Variants in MAGI2 observed in about 807,000 individuals in gnomAD.
The protein encoded by MAGI2 is membrane-associated guanylate kinase, WW and PDZ domain-containing protein 2.
Under a neutral mutation model 133.3 loss-of-function variants are expected in MAGI2, and 35 were observed. The observed-to-expected ratio is 0.26, with a 90% CI of 0.20 to 0.35. The LOEUF is 0.35. Among genes scored for constraint, MAGI2 ranks in the 10% least tolerant of loss-of-function variants. The pLI, the probability that MAGI2 is intolerant of heterozygous loss-of-function variation, is 1.00. For missense variants in MAGI2, 1,636 were observed against 1,863.4 expected, an observed-to-expected ratio of 0.88 and a Z score of 2.25; for synonymous variants, 729 against 710.6, an observed-to-expected ratio of 1.03 and a Z score of -0.41.
intron 1 of MAGI2, among the ~76,000 whole-genome samples, chr7:79,286,027 A>G: frequency 6.6e-6 from 1 of 152,200 alleles, no homozygotes; most frequent in East Asian, 1.9e-4. Context: ...AATTAAGCAG[A>G]AACTATAAGG....
chr7:78,686,787 T>A (rs1317384906), intron 2 of MAGI2, among the ~76,000 whole-genome samples: 1 of 152,240 alleles, frequency 6.6e-6, no homozygotes, highest in African/African-American at 2.4e-5. Flanking sequence ...TTATTCTGTG[T>A]AAGTCTAGAA....
In MAGI2 at chr7:79,073,375, G is replaced by A. The variant is rs542259619; in HGVS notation, c.302-66169C>T. Among the ~76,000 whole-genome samples the A allele has an allele frequency of 4.6e-5, 7 of 152,210 alleles. No individual in the cohort carries two copies. In the South Asian group the frequency reaches 8.3e-4, roughly 18 times the overall value. On this transcript the variant is annotated intron_variant, in intron 1 of 21. Transcript: ENST00000354212. ...ACTCTTAGGCCCATAGTGACCATAC[G>A]TTCTGTTTTTTCACAGGACAGTCTT...
chr7:78,900,153 C>T (rs1033057466), intron 2 of MAGI2, among the ~76,000 whole-genome samples: 1 of 152,174 alleles, frequency 6.6e-6, no homozygotes, highest in Non-Finnish European at 1.5e-5. Flanking sequence ...TCCATTGCTG[C>T]CACTCACGTC....
rs58783152 is a variant in MAGI2, at chr7:78,619,005, T to TAAA, written c.538+8112_538+8114dup. The TAAA allele has an allele frequency of 6.9e-4, 35 of 50,422 alleles. 1 individual carries two copies. Among genetic ancestry groups the TAAA allele is most frequent in the African/African-American group, 2.4e-3 (33 of 13,948 alleles). The allele number at this position is 50,422 out of a possible 1,614,324, so 3.1% of individuals were successfully genotyped here. A position where few individuals can be genotyped will look rare whatever the true frequency, so the allele number is the denominator to read the frequency against. ...CATGGATTGCATACTCCAAAATCGC[T>TAAA]AAAAAAAAAAAAAAAAAAAAAAAAA... On this transcript the variant is annotated intron_variant, in intron 3 of 21. Transcript: ENST00000354212.
intron 1 of MAGI2, among the ~76,000 whole-genome samples, chr7:79,058,798 T>C (rs1307853897): frequency 1.3e-5 from 2 of 152,000 alleles, no homozygotes; most frequent in Non-Finnish European, 2.9e-5. Context: ...ACCATTAGGG[T>C]CTTGAAATCA....
intron 6 of MAGI2, among the ~76,000 whole-genome samples, chr7:78,457,496 G>T (rs10275455): frequency 6.6e-6 from 1 of 151,962 alleles, no homozygotes; most frequent in East Asian, 1.9e-4. Context: ...GGAATAATAA[G>T]GTCTACTGAG....
At chr7:78,152,388 A>G (rs3735449) in intron 16 of MAGI2, among the ~76,000 whole-genome samples, 12,641 of 152,068 alleles carry the variant, frequency 0.083, 744 homozygotes, top group East Asian at 0.3. Flanking sequence ...TGGACAAGAG[A>G]TGTGTTTAAG....
intron 20 of MAGI2, among the ~76,000 whole-genome samples, chr7:78,114,404 G>A (rs1819657339): frequency 6.6e-6 from 1 of 152,180 alleles, no homozygotes; most frequent in Non-Finnish European, 1.5e-5. Context: ...GTGCCCACGT[G>A]ACAGTCTTTG....
chr7:78,474,534 G>T (rs546688978), intron 6 of MAGI2, among the ~76,000 whole-genome samples: 1 of 152,056 alleles, frequency 6.6e-6, no homozygotes, highest in Admixed American at 6.6e-5. Flanking sequence ...AAAGCAAAAG[G>T]CAGTACACTT....
intron 6 of MAGI2, among the ~76,000 whole-genome samples, chr7:78,378,476 G>C (rs1052105619): frequency 5.9e-5 from 9 of 151,992 alleles, no homozygotes; most frequent in Non-Finnish European, 1.3e-4. Flanking sequence ...TTAAAAGGTA[G>C]AGAAAACATG....
intron 1 of MAGI2, among the ~76,000 whole-genome samples, chr7:79,226,979 A>G (rs1168693484): frequency 6.6e-6 from 1 of 152,104 alleles, no homozygotes; most frequent in Non-Finnish European, 1.5e-5. Context: ...AGTGTTTTTC[A>G]GTCTCTAAAG....
intron 16 of MAGI2, among the ~76,000 whole-genome samples, chr7:78,154,480 G>T (rs148406998): frequency 6.6e-5 from 10 of 152,292 alleles, no homozygotes; most frequent in African/African-American, 2.4e-4. Flanking sequence ...AGAAAGGAAG[G>T]ATTGAAAAGT....
intron 2 of MAGI2, among the ~76,000 whole-genome samples, chr7:78,895,686 C>T (rs1188467994): frequency 6.6e-6 from 1 of 152,106 alleles, no homozygotes; most frequent in Middle Eastern, 3.2e-3. Flanking sequence ...CGCTATTAAA[C>T]ACAGAGCATT....
chr7:78,478,815 C>A (rs1490396806), intron 6 of MAGI2, among the ~76,000 whole-genome samples: 1 of 151,892 alleles, frequency 6.6e-6, no homozygotes, highest in Non-Finnish European at 1.5e-5. Context: ...ACCAGGAAGA[C>A]CTTCAGCCTG....
At chr7:79,220,518 G>T (rs1405206422) in intron 1 of MAGI2, among the ~76,000 whole-genome samples, 1 of 151,946 alleles carries the variant, frequency 6.6e-6, no homozygotes, top group Admixed American at 6.6e-5. Context: ...GGAACAGAAA[G>T]CCAGCATCCT....
At chr7:78,020,202 T>C (rs905319872) in intron 21 of MAGI2, among the ~76,000 whole-genome samples, 2 of 150,944 alleles carry the variant, frequency 1.3e-5, no homozygotes, top group African/African-American at 4.9e-5. Context: ...CCGAACCTCG[T>C]CCGTGGACCG....
At chr7:78,116,039 A>G (rs1054822409) in intron 20 of MAGI2, among the ~76,000 whole-genome samples, 1 of 152,244 alleles carries the variant, frequency 6.6e-6, no homozygotes, top group African/African-American at 2.4e-5. Flanking sequence ...GCACACATGG[A>G]TCATATATAA....
At chr7:79,315,324 AAT>A (rs1491460586) in intron 1 of MAGI2, among the ~76,000 whole-genome samples, 29 of 84,070 alleles carry the variant, frequency 3.4e-4, no homozygotes, top group African/African-American at 1.1e-3. Flanking sequence ...ATGCCCAGTT[AAT>A]TTTTTTTTTT....
chr7:78,549,698 T>G (rs564249543), intron 3 of MAGI2, among the ~76,000 whole-genome samples: 1 of 152,338 alleles, frequency 6.6e-6, no homozygotes, highest in African/African-American at 2.4e-5. Context: ...AAAGACTACC[T>G]GGATTTTTAT....
Sources: gnomAD v4.1 joint callset for allele counts (sites outside exome capture counted in the v4.1 genomes callset) on GRCh38, gnomAD v4.1.1 for gene constraint, MANE v1.5 for transcripts, NCBI Gene and HGNC (gene_info 2026-07-23, HGNC 2026-07-21) for gene names.